SYVN1: variants seen among roughly 807,000 people sequenced by gnomAD.
SYVN1 encodes synoviolin 1.
In SYVN1, 17 loss-of-function variants were observed where a neutral mutation model predicts 62.6. That is an observed-to-expected ratio of 0.27 (90% CI 0.19 to 0.41). The LOEUF is 0.41. Ranked by LOEUF, SYVN1 falls within the 10% of genes least tolerant of loss-of-function variation. The probability of loss-of-function intolerance (pLI) is 1.00; values close to 1 mark genes in which losing one functional copy is unlikely to be tolerated. For synonymous variants in SYVN1, 316 were observed against 304.0 expected, an observed-to-expected ratio of 1.04 and a Z score of -0.41; for missense variants, 634 against 818.0, an observed-to-expected ratio of 0.78 and a Z score of 2.74.
At chr11:65,132,607 G>T in intron 5 of SYVN1, 125 bp downstream of exon 5, 1 of 1,185,782 alleles carries the variant, frequency 8.4e-7, no homozygotes, top group Non-Finnish European at 1.3e-6. Flanking sequence ...ACAGCACAGA[G>T]ACTATGCAAA....
Position 65,129,809 on chromosome 11 carries a change from C to G in SYVN1, c.1515G>C (p.Gln505His). The G allele has an allele frequency of 1.2e-6, 2 of 1,614,240 alleles. No homozygotes were observed. The highest frequency in any genetic ancestry group is 1.7e-6 in the Non-Finnish European group (2 of 1,180,042). The part of the protein sequence containing the change: ...HERQHLEARL[Q>H]SLRNIHTLLD... Reference sequence around the variant, plus strand: ...GCAGTGTGTGGATGTTACGCAGGCTCTGCAGCCGGGCCTCCAGGTGCTGCC... The same window carrying G: ...GCAGTGTGTGGATGTTACGCAGGCTGTGCAGCCGGGCCTCCAGGTGCTGCC... Residue 505 changes from glutamine (Q) to histidine (H), a missense_variant, in exon 14 of 16, where the codon CAG (glutamine) becomes CAC (histidine). Around this residue, in one of 2 missense-constraint regions of SYVN1, gnomAD observed 351 missense variants for 373.3 expected, o/e 0.94. Coordinates refer to ENST00000377190, the MANE Select transcript of SYVN1 (RefSeq NM_172230.3).
Position 65,132,330 on chromosome 11 carries a change from ATGCC to A in SYVN1, c.445_448del (p.Gly149SerfsTer15). 1 of 1,614,030 alleles carries A rather than the reference ATGCC, an allele frequency of 6.2e-7. No individual in the cohort carries two copies. The highest frequency in any genetic ancestry group is 8.5e-7 in the Non-Finnish European group (1 of 1,179,934). On this transcript the variant is annotated frameshift_variant, in exon 6 of 16. Coordinates refer to ENST00000377190, the MANE Select transcript of SYVN1 (RefSeq NM_172230.3). LOFTEE classifies it high-confidence loss of function. ...GTGGCTGACGAAGAGGAAGTCCAGG[ATGCC>A]CAGGAGGAACATAAGAGCTGTGGGG...
In SYVN1 at chr11:65,130,653, T is replaced by A. The variant is rs748554551; in HGVS notation, c.1105+7A>T. 7.2e-5 allele frequency: 90 copies of A among 1,253,222 alleles called. No individual in the cohort carries two copies. In the Middle Eastern group the frequency reaches 1.1e-3, roughly 15 times the overall value. The allele number at this position is 1,253,222 out of a possible 1,614,324, so 77.6% of individuals were successfully genotyped here. ...TATGCCGGGTGGCCAGACAAGGGGA[T>A]ACTCACAGTTGGGGGGCTGAGGCAA... On this transcript the variant is annotated splice_region_variant and intron_variant, in intron 11 of 15. Coordinates refer to ENST00000377190, the MANE Select transcript of SYVN1 (RefSeq NM_172230.3).
Position 65,131,051 on chromosome 11 carries a change from A to G in SYVN1, c.825-15T>C. The G allele has an allele frequency of 6.2e-7, 1 of 1,613,902 alleles. No individual in the cohort carries two copies. The highest frequency in any genetic ancestry group is 8.5e-7 in the Non-Finnish European group (1 of 1,179,744). ...CATCTGGATACCTGGTTAGGATGACAGGGGCTGTATCAGGTCCAGAGCTGG... is the reference window on the plus strand; with the variant it reads ...CATCTGGATACCTGGTTAGGATGACGGGGGCTGTATCAGGTCCAGAGCTGG... On this transcript the variant is annotated splice_polypyrimidine_tract_variant and intron_variant, in intron 9 of 15. Transcript: ENST00000377190.
rs768578688 is a variant in SYVN1 at position 65,130,631 on chromosome 11, GC to G, written c.1105+28del. Reference sequence around the variant, plus strand: ...GCCCAGGGCAAGTATCCAGTGGTATGCCGGGTGGCCAGACAAGGGGATACTC... The same window carrying G: ...GCCCAGGGCAAGTATCCAGTGGTATGCGGGTGGCCAGACAAGGGGATACTC... On this transcript the variant is annotated intron_variant, in intron 11 of 15. Coordinates refer to ENST00000377190, the MANE Select transcript of SYVN1 (RefSeq NM_172230.3). The G allele has an allele frequency of 6.7e-6, 10 of 1,496,374 alleles. No individual in the cohort carries two copies. In the South Asian group the frequency reaches 1.2e-4, roughly 18 times the overall value. The allele number at this position is 1,496,374 out of a possible 1,614,324, so 92.7% of individuals were successfully genotyped here. A position where few individuals can be genotyped will look rare whatever the true frequency, so the allele number is the denominator to read the frequency against.
In SYVN1 at chr11:65,127,842, A is replaced by G. The variant is rs917213522; in HGVS notation, c.*540T>C. 1.3e-5 allele frequency: 2 copies of G among 154,766 alleles called. No individual in the cohort carries two copies. Among genetic ancestry groups the G allele is most frequent in the African/African-American group, 4.8e-5 (2 of 41,490 alleles). 9.6% of individuals were successfully genotyped at this position (154,766 alleles called of 1,614,324 possible). On this transcript the variant is annotated 3_prime_UTR_variant, in exon 16 of 16. Transcript: ENST00000377190. ...TTGTGTGGTTGCCAGTAAGACGCAG[A>G]AATGCCACAGGGCATAGGGGGCACA... is the stretch of plus-strand genomic sequence containing the variant.
In SYVN1 at chr11:65,130,904, C is replaced by G; in HGVS notation, c.941+16G>C. 1.9e-6 allele frequency: 3 copies of G among 1,613,522 alleles called. No homozygotes were observed. The highest frequency in any genetic ancestry group is 2.5e-6 in the Non-Finnish European group (3 of 1,179,996). On this transcript the variant is annotated intron_variant, in intron 10 of 15. Transcript: ENST00000377190. ...GCCTGTGCCCTGCTGTGCAGGCTCC[C>G]CAGGGCCCCTCCCACCTGGTATGGA...
chr11:65,130,359 G>A lies in SYVN1; in HGVS notation c.1126C>T (p.Pro376Ser). The part of the protein sequence containing the change: ...PPNFPQGLLP[P>S]FPPGMFPLWP... ...AGTGGGAACATGCCTGGAGGAAAAG[G>A]AGGCAGGAGGCCCTGGGGGACTGCA... The change falls in exon 12 of 16, where the codon CCT becomes TCT. Residue 376 changes from proline (P) to serine (S), a missense_variant. Around this residue, in one of 2 missense-constraint regions of SYVN1, gnomAD observed 351 missense variants for 373.3 expected, o/e 0.94. Coordinates refer to ENST00000377190, the MANE Select transcript of SYVN1 (RefSeq NM_172230.3). 6.5e-7 allele frequency: 1 copy of A among 1,545,594 alleles called. No individual in the cohort carries two copies. The highest frequency in any genetic ancestry group is 8.7e-7 in the Non-Finnish European group (1 of 1,147,526).
Position 65,131,321 on chromosome 11 carries a change from C to A in SYVN1, c.711G>T (p.Val237=). 1 of 1,614,066 alleles carries A rather than the reference C, an allele frequency of 6.2e-7. No individual in the cohort carries two copies. Residue 237 remains valine (V), a synonymous_variant, in exon 8 of 16, where the codon GTG becomes GTT. Transcript: ENST00000377190. ...GGATGGCAAAGAGTGGGAAGGTGTGCACCTTGATCATGATGGTCATGAAGG... is the reference window on the plus strand; with the variant it reads ...GGATGGCAAAGAGTGGGAAGGTGTGAACCTTGATCATGATGGTCATGAAGG... The part of the protein sequence containing the change: ...YMAFMTIMIK[V]HTFPLFAIRP...
intron 14 of SYVN1, 143 bp downstream of exon 14, chr11:65,129,586 G>A: frequency 1.4e-6 from 1 of 695,972 alleles, no homozygotes; most frequent in Admixed American, 2.8e-5. Context: ...GAGTTACCAA[G>A]AACTCCTGGA....
chr11:65,132,766 G>A lies in SYVN1; in HGVS notation c.393C>T (p.Pro131=). Residue 131 remains proline (P), a synonymous_variant, in exon 5 of 16, where the codon CCC becomes CCT. Transcript: ENST00000377190. ...GGCAGTGAAAGAGCCAGGAGATGTT[G>A]GGGCTGCGTTCCATCTGAGGCAGAG... is the stretch of plus-strand genomic sequence containing the variant. The part of the protein sequence containing the change: ...EDRVDFMERS[P]NISWLFHCRI... 1 of 1,614,162 alleles carries A rather than the reference G, an allele frequency of 6.2e-7. No homozygotes were observed. The highest frequency in any genetic ancestry group is 1.3e-5 in the African/African-American group (1 of 75,028).
At position 65,133,459 on chromosome 11, in the gene SYVN1, C is replaced by G. The variant is rs761076172; in HGVS notation, c.132+11G>C. 6.2e-7 allele frequency: 1 copy of G among 1,613,462 alleles called. No homozygotes were observed. The highest frequency in any genetic ancestry group is 8.5e-7 in the Non-Finnish European group (1 of 1,179,824). On this transcript the variant is annotated intron_variant, in intron 2 of 15. Transcript: ENST00000377190. ...CCAGGGAGTTCCTCCCTCCCTGAGC[C>G]CTGAACTCACTGCCATGCTGGGGCT...
At chr11:65,128,810 A>C in intron 14 of SYVN1, 96 bp from the exon 15 acceptor site, 1 of 1,310,450 alleles carries the variant, frequency 7.6e-7, no homozygotes, top group Non-Finnish European at 1.0e-6. Flanking sequence ...CAGAGTATAG[A>C]ATGATGTGCC....
chr11:65,132,515 G>A (rs1948194070), intron 5 of SYVN1, 164 bp from the exon 6 acceptor site: 3 of 753,530 alleles, frequency 4.0e-6, no homozygotes, highest in Non-Finnish European at 6.7e-6. Flanking sequence ...CCTGGGGGAG[G>A]GGGAGTTGTT....
chr11:65,133,835 C>T (rs931147577), intron 1 of SYVN1, among the ~76,000 whole-genome samples: 1 of 152,254 alleles, frequency 6.6e-6, no homozygotes, highest in Non-Finnish European at 1.5e-5. Context: ...CTGGGTCAGT[C>T]TTGCTTCAAA....
chr11:65,128,270 T>TG lies in SYVN1; in HGVS notation c.*111dup. The stretch of plus-strand genomic sequence containing the variant: ...GGGGATGCCGCCTCTTTCTCAGAGC[T>TG]GGGGGTACTACTCCCTGGTGCAGAC... On this transcript the variant is annotated 3_prime_UTR_variant, in exon 16 of 16. Transcript: ENST00000377190. The TG allele has an allele frequency of 2.3e-6, 2 of 885,750 alleles. No individual in the cohort carries two copies. Among genetic ancestry groups the TG allele is most frequent in the Non-Finnish European group, 3.6e-6 (2 of 563,142 alleles). The allele number at this position is 885,750 out of a possible 1,614,324, so 54.9% of individuals were successfully genotyped here. A position where few individuals can be genotyped will look rare whatever the true frequency, so the allele number is the denominator to read the frequency against.
At chr11:65,133,798 T>C (rs1948212443) in intron 1 of SYVN1, among the ~76,000 whole-genome samples, 180 bp from the exon 2 acceptor site, 2 of 152,354 alleles carry the variant, frequency 1.3e-5, no homozygotes, top group East Asian at 3.9e-4. Flanking sequence ...AGGGGTTAAG[T>C]GATCACACTG....
In SYVN1 at chr11:65,132,974, A is replaced by C; in HGVS notation, c.326T>G (p.Leu109Arg). Residue 109 changes from leucine (L) to arginine (R), a missense_variant, in exon 4 of 16, where the codon CTT (leucine) becomes CGT (arginine). This residue lies in a region of SYVN1 where 283 missense variants were observed against 444.7 expected (regional missense o/e 0.64). Coordinates refer to ENST00000377190, the MANE Select transcript of SYVN1 (RefSeq NM_172230.3). ...GTGGAAACATTTGAGGAAGAGAAGA[A>C]GAGTGAAGAGTGCAACAAAGCGGGG... Reference protein sequence around the residue: ...FSPRFVALFTLLLFLKCFHWL... With the variant: ...FSPRFVALFTRLLFLKCFHWL... 1 of 1,614,240 alleles carries C rather than the reference A, an allele frequency of 6.2e-7. No individual in the cohort carries two copies. The highest frequency in any genetic ancestry group is 8.5e-7 in the Non-Finnish European group (1 of 1,180,038).
chr11:65,132,631 T>C, intron 5 of SYVN1, 101 bp downstream of exon 5: 1 of 1,360,582 alleles, frequency 7.3e-7, no homozygotes, highest in Non-Finnish European at 1.1e-6. Flanking sequence ...ACTTCCTAAA[T>C]TATCTTTCCT....
Sources: allele counts gnomAD v4.1 joint callset (sites outside exome capture counted in the v4.1 genomes callset), GRCh38; gene constraint gnomAD v4.1.1; regional missense constraint gnomAD v4.1.1; transcripts MANE v1.5; gene names NCBI Gene and HGNC (gene_info 2026-07-23, HGNC 2026-07-21).